GRM1: variants seen among roughly 807,000 people sequenced by gnomAD.
GRM1 encodes glutamate metabotropic receptor 1, also known as metabotropic glutamate receptor 1.
GRM1 carries 33 observed loss-of-function variants against 90.9 expected under a neutral mutation model. That is an observed-to-expected ratio of 0.36 (90% confidence interval 0.28 to 0.49). The LOEUF (loss-of-function observed/expected upper bound fraction) is 0.49. Ranked by LOEUF, GRM1 falls within the 20% of genes least tolerant of loss-of-function variation. The probability of loss-of-function intolerance (pLI) is 0.99; values close to 1 mark genes in which losing one functional copy is unlikely to be tolerated. For missense variants in GRM1, 1,190 were observed against 1,534.3 expected (o/e 0.78, Z 3.75); for synonymous variants, 700 against 613.2 (o/e 1.14, Z -2.09).
At chr6:146,056,701 G>C (rs1263070245) in intron 1 of GRM1, among the ~76,000 whole-genome samples, 1 of 152,112 alleles carries the variant, frequency 6.6e-6, no homozygotes, top group Non-Finnish European at 1.5e-5. Flanking sequence ...GCTTTCACAA[G>C]GAACAGTAAC....
intron 1 of GRM1, among the ~76,000 whole-genome samples, chr6:146,087,438 A>G (rs1776583475): frequency 6.6e-6 from 1 of 152,072 alleles, no homozygotes; most frequent in Non-Finnish European, 1.5e-5. Context: ...CTTTACGTGC[A>G]CTTGTGTGTG....
intron 4 of GRM1, among the ~76,000 whole-genome samples, chr6:146,357,180 A>T (rs970950857): frequency 6.6e-6 from 1 of 152,218 alleles, no homozygotes. Context: ...ATAAAAAATT[A>T]ATGTTCTTAT....
At chr6:146,150,938 GCACA>G (rs143821112) in intron 1 of GRM1, among the ~76,000 whole-genome samples, 12,458 of 150,784 alleles carry the variant, frequency 0.083, 905 homozygotes, top group African/African-American at 0.19. Flanking sequence ...GCGTGTGCGC[GCACA>G]CACACACACA....
intron 6 of GRM1, among the ~76,000 whole-genome samples, chr6:146,394,856 A>G (rs1214211401): frequency 1.3e-5 from 2 of 152,112 alleles, no homozygotes; most frequent in East Asian, 1.9e-4. Context: ...CCATCTGGAG[A>G]TGCTCAAAGG....
intron 1 of GRM1, among the ~76,000 whole-genome samples, chr6:146,121,402 G>T (rs985387630): frequency 6.6e-6 from 1 of 152,042 alleles, no homozygotes; most frequent in Admixed American, 6.6e-5. Context: ...TGGATTCATT[G>T]ATTTTTTGAA....
chr6:146,190,408 C>A (rs572056057), intron 2 of GRM1, among the ~76,000 whole-genome samples: 2 of 152,100 alleles, frequency 1.3e-5, no homozygotes, highest in African/African-American at 4.8e-5. Context: ...ATGTAATAAC[C>A]AAACTGGGGT....
chr6:146,343,365 G>A (rs903770322), intron 3 of GRM1, among the ~76,000 whole-genome samples: 1 of 152,066 alleles, frequency 6.6e-6, no homozygotes, highest in African/African-American at 2.4e-5. Context: ...CTCAGTGTAC[G>A]ACCCACTTAA....
chr6:146,416,538 A>G lies in GRM1; in HGVS notation c.2660+16839A>G, dbSNP rs114692944. Among the ~76,000 whole-genome samples, 1,080 of 152,304 alleles carry G rather than the reference A, an allele frequency of 7.1e-3. 15 individuals are homozygous for G. The highest frequency in any genetic ancestry group is 0.025 in the African/African-American group (1,041 of 41,570). The stretch of plus-strand genomic sequence containing the variant: ...TGCATCACTGTTGTGCTTTTTTCAC[A>G]TGCATTTCATTTCTATACATATTTT... On this transcript the variant is annotated intron_variant, in intron 7 of 7. Coordinates refer to ENST00000282753, the MANE Select transcript of GRM1 (RefSeq NM_001278064.2).
At chr6:146,423,626 G>A (rs1231909607) in intron 7 of GRM1, among the ~76,000 whole-genome samples, 2 of 152,118 alleles carry the variant, frequency 1.3e-5, no homozygotes, top group Non-Finnish European at 2.9e-5. Context: ...GGGAATGCAA[G>A]TCACAGAGGC....
rs560090955 is a variant in GRM1 at position 146,066,766 on chromosome 6, C to CAGAGAG, written c.700+36573_700+36578dup. On this transcript the variant is annotated intron_variant, in intron 1 of 7. Coordinates refer to ENST00000282753, the MANE Select transcript of GRM1 (RefSeq NM_001278064.2). ...TTTTACATAATAATAGACAGACAGG[C>CAGAGAG]AGAGAGAGAGAGAGAGAGAGAGAGA... Among the ~76,000 whole-genome samples, 441 of 60,162 alleles carry CAGAGAG rather than the reference C, an allele frequency of 7.3e-3. 4 individuals are homozygous for CAGAGAG. The highest frequency in any genetic ancestry group is 0.019 in the African/African-American group (406 of 20,844). The allele number at this position is 60,162 out of a possible 152,430, so 39.5% of individuals were successfully genotyped here. A position where few individuals can be genotyped will look rare whatever the true frequency, so the allele number is the denominator to read the frequency against.
chr6:146,093,359 A>T (rs1281062340), intron 1 of GRM1, among the ~76,000 whole-genome samples: 1 of 152,052 alleles, frequency 6.6e-6, no homozygotes, highest in Non-Finnish European at 1.5e-5. Context: ...TTGGCTGTGC[A>T]TGCAGTTAAT....
chr6:146,104,582 A>G (rs944923386), intron 1 of GRM1, among the ~76,000 whole-genome samples: 1 of 152,226 alleles, frequency 6.6e-6, no homozygotes, highest in Non-Finnish European at 1.5e-5. Context: ...CCACTGGAGA[A>G]CCATCAAAGT....
rs1279336017 is a variant in GRM1 at position 146,435,638 on chromosome 6, T to C, written c.*842T>C. On this transcript the variant is annotated 3_prime_UTR_variant, in exon 8 of 8. Transcript: ENST00000282753. The stretch of plus-strand genomic sequence containing the variant: ...GAGACTTTGAAAAAAAAACACATGA[T>C]CAGCTTCTCATGTTCCATATTCACT... 1 of 152,502 alleles carries C rather than the reference T, an allele frequency of 6.6e-6. No homozygotes were observed. The highest frequency in any genetic ancestry group is 1.9e-4 in the East Asian group (1 of 5,184). The allele number at this position is 152,502 out of a possible 1,614,324, so 9.4% of individuals were successfully genotyped here.
chr6:146,315,317 A>T (rs1020792215), intron 3 of GRM1, among the ~76,000 whole-genome samples: 3 of 152,010 alleles, frequency 2.0e-5, no homozygotes, highest in African/African-American at 7.2e-5. Context: ...AGCCCAGGAG[A>T]TCAAGGCTAC....
At chr6:146,262,798 A>G (rs1454821429) in intron 2 of GRM1, among the ~76,000 whole-genome samples, 4 of 151,958 alleles carry the variant, frequency 2.6e-5, no homozygotes, top group African/African-American at 9.7e-5. Context: ...ATATTGATAA[A>G]TATTTGTTGA....
intron 1 of GRM1, among the ~76,000 whole-genome samples, chr6:146,127,528 G>T (rs1212514134): frequency 1.3e-5 from 2 of 152,130 alleles, no homozygotes; most frequent in Non-Finnish European, 2.9e-5. Flanking sequence ...AGGTCCACTT[G>T]GGCTCAAAGG....
At chr6:146,389,800 A>G (rs362918) in intron 6 of GRM1, among the ~76,000 whole-genome samples, 7,140 of 152,116 alleles carry the variant, frequency 0.047, 229 homozygotes, top group African/African-American at 0.088. Context: ...CTTTCACAAT[A>G]TAGATTCCTC....
At chr6:146,266,508 G>A (rs536494845) in intron 2 of GRM1, among the ~76,000 whole-genome samples, 48 of 152,010 alleles carry the variant, frequency 3.2e-4, no homozygotes, top group East Asian at 1.4e-3. Context: ...ATTGTCTGTC[G>A]TTCTTCAGTC....
At chr6:146,038,723 A>G (rs1370100202) in intron 1 of GRM1, among the ~76,000 whole-genome samples, 1 of 151,878 alleles carries the variant, frequency 6.6e-6, no homozygotes, top group East Asian at 1.9e-4. Flanking sequence ...AGCATATTCC[A>G]CAGCTATTGT....
Sources: gnomAD v4.1 joint callset for allele counts (sites outside exome capture counted in the v4.1 genomes callset) on GRCh38, gnomAD v4.1.1 for gene constraint, MANE v1.5 for transcripts, NCBI Gene and HGNC (gene_info 2026-07-23, HGNC 2026-07-21) for gene names.